NFASC: variants seen among roughly 807,000 people sequenced by gnomAD.
NFASC encodes neurofascin homolog.
In NFASC, 43 loss-of-function variants were observed where a neutral mutation model predicts 147.5. The observed-to-expected ratio is 0.29, with a 90% confidence interval of 0.23 to 0.38. The LOEUF is 0.38. Among genes scored for constraint, NFASC ranks in the 10% least tolerant of loss-of-function variants. NFASC has a pLI of 1.00. For synonymous variants in NFASC, 622 were observed against 665.5 expected (o/e 0.93, Z 1.01); for missense variants, 1,320 against 1,689.0 (o/e 0.78, Z 3.83).
chr1:205,005,556 G>A (rs114226032), intron 27 of NFASC, among the ~76,000 whole-genome samples: 132 of 152,344 alleles, frequency 8.7e-4, no homozygotes, highest in African/African-American at 2.9e-3. Context: ...TACTGGATCC[G>A]TTAGGAATCT....
chr1:204,989,995 C>T (rs1395579144), intron 23 of NFASC: 1 of 152,380 alleles, frequency 6.6e-6, no homozygotes, highest in Non-Finnish European at 1.5e-5. Context: ...GTGCTGCCTT[C>T]TCTGGGGCTA....
chr1:204,993,884 G>C (rs975916806), intron 24 of NFASC: 4 of 451,254 alleles, frequency 8.9e-6, no homozygotes, highest in Non-Finnish European at 1.8e-5. Context: ...AATCTCCTTA[G>C]ACCTGAGCAG....
intron 2 of NFASC, among the ~76,000 whole-genome samples, chr1:204,934,939 G>A (rs2092705251): frequency 6.6e-6 from 1 of 152,242 alleles, no homozygotes. Flanking sequence ...ATGCACTAGA[G>A]TTCTCTGTGT....
intron 8 of NFASC, among the ~76,000 whole-genome samples, chr1:204,964,464 T>C (rs1412796743): frequency 6.6e-6 from 1 of 152,098 alleles, no homozygotes; most frequent in Non-Finnish European, 1.5e-5. Context: ...GAGGGAGAAA[T>C]TGTAGGGCAG....
Position 204,981,909 on chromosome 1 carries a change from G to A in NFASC, c.2359G>A (p.Val787Met), listed in dbSNP as rs147192388. The part of the protein sequence containing the change: ...NNVTVWGSRY[V>M]VGQTPVYVPY... ...CGTCACAGTGTGGGGCTCTCGCTACGTGGTGGGGCAGACCCCAGTCTACGT... is the reference window on the plus strand; with the variant it reads ...CGTCACAGTGTGGGGCTCTCGCTACATGGTGGGGCAGACCCCAGTCTACGT... Residue 787 changes from valine (V) to methionine (M), a missense_variant, in exon 21 of 30, where the codon GTG becomes ATG. Coordinates refer to ENST00000339876, the MANE Select transcript of NFASC (RefSeq NM_001005388.3). 1.4e-5 allele frequency: 22 copies of A among 1,609,238 alleles called. No individual in the cohort carries two copies. The highest frequency in any genetic ancestry group is 8.0e-5 in the African/African-American group (6 of 74,868).
intron 15 of NFASC, among the ~76,000 whole-genome samples, 172 bp from the exon 16 acceptor site, chr1:204,976,499 A>C (rs2095407626): frequency 1.3e-5 from 2 of 152,226 alleles, no homozygotes; most frequent in Non-Finnish European, 2.9e-5. Flanking sequence ...TGAGTGCTCC[A>C]GGTGACTGTG....
rs370726148 is a variant in NFASC at position 204,980,493 on chromosome 1, G to A, written c.2247+53G>A. 7 of 1,369,542 alleles carry A rather than the reference G, an allele frequency of 5.1e-6. No homozygotes were observed. In the African/African-American group the frequency reaches 5.7e-5, roughly 11 times the overall value. 84.8% of individuals were successfully genotyped at this position (1,369,542 alleles called of 1,614,324 possible). On this transcript the variant is annotated intron_variant, in intron 20 of 29. Coordinates refer to ENST00000339876, the MANE Select transcript of NFASC (RefSeq NM_001005388.3). ...GCAGCTCACCTTGCCGCATGCACCG[G>A]GAGCCCCTCTCCCTTGATGCCCCGA... is the stretch of plus-strand genomic sequence containing the variant.
At chr1:204,885,335 T>C (rs1258236904) in intron 1 of NFASC, among the ~76,000 whole-genome samples, 1 of 152,028 alleles carries the variant, frequency 6.6e-6, no homozygotes, top group Non-Finnish European at 1.5e-5. Context: ...AAGTCCTGAG[T>C]GGCCAGGAGC....
Position 204,991,310 on chromosome 1 carries a change from C to CCGCG in NFASC, c.2782+6_2782+7insCGCG. ...TCTGAAGCTACTCCAACCGCAGGTA[C>CCGCG]CGTACCAGCCGCGGAGGTAATGGGC... is the stretch of plus-strand genomic sequence containing the variant. On this transcript the variant is annotated splice_donor_region_variant and intron_variant, in intron 24 of 29. Transcript: ENST00000339876. The CCGCG allele has an allele frequency of 6.2e-7, 1 of 1,612,466 alleles. No individual in the cohort carries two copies. The highest frequency in any genetic ancestry group is 8.5e-7 in the Non-Finnish European group (1 of 1,179,226).
intron 8 of NFASC, chr1:204,961,960 C>T: frequency 1.6e-6 from 1 of 634,054 alleles, no homozygotes; most frequent in Non-Finnish European, 2.9e-6. Context: ...TATTGCCTTT[C>T]CAAATATGCC....
chr1:204,912,856 C>CAA lies in NFASC; in HGVS notation c.-199-7766_-199-7765dup, dbSNP rs750935134. ...AAACATAGTCTAGAGATCCTGTCTC[C>CAA]AAAAAAAAAAATAATTTAAAAATTA... is the stretch of plus-strand genomic sequence containing the variant. On this transcript the variant is annotated intron_variant, in intron 1 of 29. Transcript: ENST00000339876. Among the ~76,000 whole-genome samples, 1,117 of 113,666 alleles carry CAA rather than the reference C, an allele frequency of 9.8e-3. 13 individuals are homozygous for CAA. Among genetic ancestry groups the CAA allele is most frequent in the African/African-American group, 0.032 (1,051 of 32,826 alleles). 74.6% of individuals were successfully genotyped at this position (113,666 alleles called of 152,430 possible).
Position 204,987,601 on chromosome 1 carries a change from A to G in NFASC, c.2593+61A>G, listed in dbSNP as rs920213077. 13 of 1,597,986 alleles carry G rather than the reference A, an allele frequency of 8.1e-6. No homozygotes were observed. The African/African-American group carries it at 1.1e-4, about 13-fold the overall frequency. ...GGGAACCAGAAACCCCATTCTCACCACTTTTCCTAAGGACTCAAGGTAGAA... is the reference window on the plus strand; with the variant it reads ...GGGAACCAGAAACCCCATTCTCACCGCTTTTCCTAAGGACTCAAGGTAGAA... On this transcript the variant is annotated intron_variant, in intron 22 of 29. Coordinates refer to ENST00000339876, the MANE Select transcript of NFASC (RefSeq NM_001005388.3). The surrounding 1 kb of genome is among the most constrained non-coding windows in gnomAD (Gnocchi z 4.4).
At chr1:204,996,098 G>A (rs1235812938) in intron 24 of NFASC, among the ~76,000 whole-genome samples, 1 of 152,100 alleles carries the variant, frequency 6.6e-6, no homozygotes, top group Non-Finnish European at 1.5e-5. Context: ...GGATAGGGCA[G>A]CCCTTTCCAT....
intron 3 of NFASC, among the ~76,000 whole-genome samples, chr1:204,947,708 A>C (rs1023527893): frequency 1.3e-5 from 2 of 151,258 alleles, no homozygotes; most frequent in Non-Finnish European, 2.9e-5. Context: ...AACCAGAGTG[A>C]GTTTGCCAAA....
chr1:205,005,043 T>TAGC (rs2096075580), intron 27 of NFASC, among the ~76,000 whole-genome samples: 1 of 152,182 alleles, frequency 6.6e-6, no homozygotes, highest in South Asian at 2.1e-4. Context: ...AGCAGTCAGA[T>TAGC]AGCAGCCTGC....
intron 1 of NFASC, among the ~76,000 whole-genome samples, chr1:204,839,817 G>C (rs1410585094): frequency 6.6e-6 from 1 of 152,208 alleles, no homozygotes. Context: ...GAAGAGATTT[G>C]TTGGGTCTCC....
intron 10 of NFASC, among the ~76,000 whole-genome samples, chr1:204,969,669 AG>A (rs1261363975): frequency 6.6e-6 from 1 of 152,228 alleles, no homozygotes; most frequent in Admixed American, 6.5e-5. Flanking sequence ...TTTGAGGGGT[AG>A]GGGGTGAGTA....
chr1:205,010,624 G>A lies in NFASC; in HGVS notation c.3421+936G>A, dbSNP rs2802844. 12,947 of 150,512 alleles carry A rather than the reference G, an allele frequency of 0.086. 721 individuals are homozygous for A. The highest frequency in any genetic ancestry group is 0.13 in the Non-Finnish European group (8,647 of 67,724). 9.3% of individuals were successfully genotyped at this position (150,512 alleles called of 1,614,324 possible). On this transcript the variant is annotated intron_variant, in intron 28 of 29. Transcript: ENST00000339876. The surrounding 1 kb of genome is among the most constrained non-coding windows in gnomAD (Gnocchi z 4.1). ...AATTTTTTAAAAGATCCTCCAGGCC[G>A]GGCGCAGTGGCTCACACCTGTAATC... is the stretch of plus-strand genomic sequence containing the variant.
At chr1:204,851,288 A>C (rs2075663477) in intron 1 of NFASC, among the ~76,000 whole-genome samples, 1 of 151,526 alleles carries the variant, frequency 6.6e-6, no homozygotes, top group South Asian at 2.1e-4. Flanking sequence ...CCCAAGACTG[A>C]TATAACATCT....
Sources: gnomAD v4.1 joint callset for allele counts (sites outside exome capture counted in the v4.1 genomes callset) on GRCh38, gnomAD v4.1.1 for gene constraint, Gnocchi (gnomAD v3.1) non-coding constraint, MANE v1.5 for transcripts, NCBI Gene and HGNC (gene_info 2026-07-23, HGNC 2026-07-21) for gene names.